Variants in A2ML1 observed in about 807,000 individuals in gnomAD.
A2ML1 encodes alpha-2-macroglobulin-like protein 1.
In A2ML1, 161 loss-of-function variants were observed where a neutral mutation model predicts 181.9. The ratio of observed to expected loss-of-function variants is 0.89; its 90% confidence interval spans 0.78 to 1.01. The LOEUF (loss-of-function observed/expected upper bound fraction) is 1.01. A2ML1 is among the 50% of genes least tolerant of loss of function. The pLI, the probability that A2ML1 is intolerant of heterozygous loss-of-function variation, is 0.00. For synonymous variants in A2ML1, 663 were observed against 666.8 expected, an observed-to-expected ratio of 0.99 and a Z score of 0.09; for missense variants, 1,670 against 1,768.1, an observed-to-expected ratio of 0.94 and a Z score of 1.00.
rs1894814 is a variant in A2ML1, at chr12:8,836,181, A to G, written c.644-74A>G. On this transcript the variant is annotated intron_variant, in intron 6 of 35. Coordinates refer to ENST00000299698, the MANE Select transcript of A2ML1 (RefSeq NM_144670.6). ...CATTAATTTAATTCTCACTGTTTAT[A>G]CCCCTCTGCTCACTGCCTGTCTGAC... 980,747 of 1,170,972 alleles carry G rather than the reference A, an allele frequency of 0.84. 413,912 individuals carry two copies. The highest frequency in any genetic ancestry group is 1 in the East Asian group (42,599 of 42,612). 72.5% of individuals were successfully genotyped at this position (1,170,972 alleles called of 1,614,324 possible).
At chr12:8,886,139 G>T (rs1944920029) in intron 7 of A2ML1, among the ~76,000 whole-genome samples, 1 of 151,866 alleles carries the variant, frequency 6.6e-6, no homozygotes, top group South Asian at 2.1e-4. Flanking sequence ...TTGGCATTTT[G>T]AATTTCCATA....
At chr12:8,847,812 G>A in intron 15 of A2ML1, 114 bp downstream of exon 15, 1 of 1,371,206 alleles carries the variant, frequency 7.3e-7, no homozygotes, top group Non-Finnish European at 9.7e-7. Context: ...ACTGCCATAA[G>A]GCGGTAAAAA....
chr12:8,827,956 C>G (rs1342378868), intron 3 of A2ML1, among the ~76,000 whole-genome samples: 1 of 152,188 alleles, frequency 6.6e-6, no homozygotes, highest in Non-Finnish European at 1.5e-5. Context: ...TTCTCCAAAA[C>G]AAACAGAGTT....
At position 8,852,243 on chromosome 12, in the gene A2ML1, CAGCT is replaced by C; in HGVS notation, c.2500_2503del (p.Leu834AsnfsTer160). The C allele has an allele frequency of 6.2e-7, 1 of 1,614,134 alleles. No individual in the cohort carries two copies. Among genetic ancestry groups the C allele is most frequent in the Non-Finnish European group, 8.5e-7 (1 of 1,180,034 alleles). On this transcript the variant is annotated frameshift_variant, in exon 20 of 36. Transcript: ENST00000299698. LOFTEE classifies it high-confidence loss of function. This position sits in a 1 kb window ranked among gnomAD's most constrained non-coding sequence, Gnocchi z 4.2. ...TGACCTGGCTAAATCGCATGAGTAC[CAGCT>C]AGAATCATGGGCAGATTCTCAGACC...
At chr12:8,868,457 C>CATGT (rs5796325) in intron 31 of A2ML1, 80 bp from the exon 32 acceptor site, 15 of 1,443,228 alleles carry the variant, frequency 1.0e-5, no homozygotes, top group Admixed American at 3.6e-5. Flanking sequence ...TGTGTGTGTA[C>CATGT]GTGTGTGTGT....
chr12:8,883,084 T>C (rs1223690662), intron 7 of A2ML1, among the ~76,000 whole-genome samples: 1 of 152,116 alleles, frequency 6.6e-6, no homozygotes, highest in African/African-American at 2.4e-5. Context: ...GGACTTCCAC[T>C]GGTCCTTCAA....
At chr12:8,828,102 C>T (rs1423940185) in intron 3 of A2ML1, among the ~76,000 whole-genome samples, 1 of 152,184 alleles carries the variant, frequency 6.6e-6, no homozygotes, top group East Asian at 1.9e-4. Flanking sequence ...GTAACCAGTA[C>T]CTGGCTACTG....
At chr12:8,827,853 G>A (rs1205907365) in intron 3 of A2ML1, among the ~76,000 whole-genome samples, 1 of 152,206 alleles carries the variant, frequency 6.6e-6, no homozygotes. Flanking sequence ...TGTGGCTCTT[G>A]AAGGCTCATA....
At chr12:8,880,422 A>C (rs1944859632), downstream of A2ML1, 1 of 151,808 alleles carries the variant, frequency 6.6e-6, no homozygotes, top group African/African-American at 2.4e-5. Context: ...CAGTGTACTC[A>C]TGGATTATGT....
chr12:8,857,148 TC>T lies in A2ML1; in HGVS notation c.2849-14del. ...TCTCTGTACCCCTACCTTCTCTCTC[TC>T]CTTTTGGATCCCAGGAGACATTATG... is the stretch of plus-strand genomic sequence containing the variant. On this transcript the variant is annotated splice_polypyrimidine_tract_variant and intron_variant, in intron 23 of 35. Transcript: ENST00000299698. The T allele has an allele frequency of 6.2e-7, 1 of 1,607,792 alleles. No homozygotes were observed. The highest frequency in any genetic ancestry group is 8.5e-7 in the Non-Finnish European group (1 of 1,176,886).
chr12:8,839,093 C>T lies in A2ML1; in HGVS notation c.971-20C>T, dbSNP rs756768267. ...AATATCAGGTGCCTAGATCTTTATA[C>T]ATCTGGTTTCCCTCTGCAGGTGTGG... On this transcript the variant is annotated intron_variant, in intron 9 of 35. Transcript: ENST00000299698. The T allele has an allele frequency of 6.5e-7, 1 of 1,543,698 alleles. No homozygotes were observed. The highest frequency in any genetic ancestry group is 1.1e-5 in the South Asian group (1 of 87,532).
chr12:8,853,495 CTGGCTCAAGG>C (rs1223582637), intron 20 of A2ML1, among the ~76,000 whole-genome samples: 1 of 152,206 alleles, frequency 6.6e-6, no homozygotes, highest in Admixed American at 6.5e-5. Context: ...CTGGGTACCT[CTGGCTCAAGG>C]TATCTCATGA....
At chr12:8,828,509 C>T (rs1943004001) in intron 3 of A2ML1, among the ~76,000 whole-genome samples, 1 of 152,128 alleles carries the variant, frequency 6.6e-6, no homozygotes, top group African/African-American at 2.4e-5. Context: ...GTGAGCTCTC[C>T]TCTGACAAAC....
chr12:8,846,901 C>T (rs1348256169), intron 14 of A2ML1, among the ~76,000 whole-genome samples: 2 of 151,612 alleles, frequency 1.3e-5, no homozygotes, highest in African/African-American at 4.8e-5. Context: ...CGCTTGAGCC[C>T]AGGAGTTCAA....
intron 3 of A2ML1, among the ~76,000 whole-genome samples, chr12:8,824,723 T>A (rs1213222300): frequency 1.4e-5 from 2 of 147,004 alleles, no homozygotes; most frequent in Non-Finnish European, 3.0e-5. Flanking sequence ...TCAAAAAAAT[T>A]TTTTTCCTTT....
At chr12:8,859,413 C>G (rs1399474893) in intron 26 of A2ML1, among the ~76,000 whole-genome samples, 1 of 151,968 alleles carries the variant, frequency 6.6e-6, no homozygotes, top group Admixed American at 6.6e-5. Context: ...GGGGGCCAGG[C>G]GCAGTGGCTC....
chr12:8,867,473 C>G (rs1944458477), intron 29 of A2ML1, among the ~76,000 whole-genome samples: 1 of 152,128 alleles, frequency 6.6e-6, no homozygotes, highest in Non-Finnish European at 1.5e-5. Context: ...CATGGAGAAA[C>G]CCCTTCTCTA....
At chr12:8,842,796 T>G (rs1414766887) in intron 11 of A2ML1, among the ~76,000 whole-genome samples, 1 of 152,250 alleles carries the variant, frequency 6.6e-6, no homozygotes, top group Non-Finnish European at 1.5e-5. Context: ...CCTAGTTTTC[T>G]TATCCCTGAA....
intron 3 of A2ML1, among the ~76,000 whole-genome samples, chr12:8,826,396 T>C (rs1441215118): frequency 6.6e-6 from 1 of 152,178 alleles, no homozygotes; most frequent in East Asian, 1.9e-4. Context: ...GGAATTATCT[T>C]TCTTAATTTC....
Sources: gnomAD v4.1 joint callset for allele counts (sites outside exome capture counted in the v4.1 genomes callset) on GRCh38, gnomAD v4.1.1 for gene constraint, Gnocchi (gnomAD v3.1) non-coding constraint, MANE v1.5 for transcripts, NCBI Gene and HGNC (gene_info 2026-07-23, HGNC 2026-07-21) for gene names.